Variants in ABL2 observed in about 807,000 individuals in gnomAD.
ABL2 encodes tyrosine-protein kinase ABL2.
A neutral mutation model predicts 107.7 loss-of-function variants in ABL2; 49 were observed. That is an observed-to-expected ratio of 0.45 (90% CI 0.36 to 0.58). The LOEUF is 0.58. Among genes scored for constraint, ABL2 ranks in the 20% least tolerant of loss-of-function variants. The pLI, the probability that ABL2 is intolerant of heterozygous loss-of-function variation, is 0.00. For missense variants in ABL2, 1,245 were observed against 1,457.0 expected (o/e 0.85, Z 2.37); for synonymous variants, 549 against 548.6 (o/e 1.00, Z -0.01).
Position 179,108,474 on chromosome 1 carries a change from C to T in ABL2, c.2793G>A (p.Val931=). The T allele has an allele frequency of 6.2e-7, 1 of 1,614,198 alleles. No homozygotes were observed. The change falls in exon 12 of 12, where the codon GTG becomes GTA. Residue 931 remains valine, a synonymous_variant. Transcript: ENST00000502732. Reference sequence around the variant, plus strand: ...TCAGAGTGGGTGAGATAAGGACTGGCACTTTGTGGTTGTGAGTGGTTGGGA... The same window carrying T: ...TCAGAGTGGGTGAGATAAGGACTGGTACTTTGTGGTTGTGAGTGGTTGGGA... ...PVLPTTHNHK[V]PVLISPTLKH...
chr1:179,122,544 C>T (rs2102632357), intron 4 of ABL2, among the ~76,000 whole-genome samples: 1 of 152,136 alleles, frequency 6.6e-6, no homozygotes, highest in South Asian at 2.1e-4. Flanking sequence ...TGGGAAAAAC[C>T]TTCCAAGATC....
chr1:179,208,885 G>A (rs1157401910), intron 1 of ABL2, among the ~76,000 whole-genome samples: 1 of 152,096 alleles, frequency 6.6e-6, no homozygotes, highest in Non-Finnish European at 1.5e-5. Context: ...TATCAGCTAA[G>A]AATTAAATGA....
intron 1 of ABL2, among the ~76,000 whole-genome samples, chr1:179,177,238 A>G (rs1660102422): frequency 6.6e-6 from 1 of 152,156 alleles, no homozygotes; most frequent in Admixed American, 6.5e-5. Flanking sequence ...GCCAACAAAC[A>G]CTGTCAAGAC....
rs543657262 is a variant in ABL2 at position 179,168,267 on chromosome 1, T to C, written c.158-34893A>G. On this transcript the variant is annotated intron_variant, in intron 1 of 11. Coordinates refer to ENST00000502732, the MANE Select transcript of ABL2 (RefSeq NM_007314.4). ...TTTAAGTCCTTTATATAAAATAGCA[T>C]GGTATTTGCACATAACCTATGCACA... is the stretch of plus-strand genomic sequence containing the variant. 3.3e-5 allele frequency among the ~76,000 whole-genome samples: 5 copies of C among 152,352 alleles called. No individual in the cohort carries two copies. In the South Asian group the frequency reaches 1.0e-3, roughly 32 times the overall value.
chr1:179,109,568 G>A, intron 11 of ABL2, 127 bp from the exon 12 acceptor site: 1 of 1,380,258 alleles, frequency 7.2e-7, no homozygotes, highest in South Asian at 1.5e-5. Flanking sequence ...GGACTCAGAA[G>A]CAAATAATAA....
Position 179,108,097 on chromosome 1 carries a change from T to C in ABL2, c.3170A>G (p.Lys1057Arg), listed in dbSNP as rs1239149231. The C allele has an allele frequency of 3.3e-5, 54 of 1,614,112 alleles. No homozygotes were observed. The highest frequency in any genetic ancestry group is 3.9e-5 in the Non-Finnish European group (46 of 1,180,050). Residue 1057 changes from lysine (K) to arginine (R), a missense_variant, in exon 12 of 12, where the codon AAA (lysine) becomes AGA (arginine). By Grantham distance (26) the Lys-to-Arg change is conservative. This residue lies in a region of ABL2 where 761 missense variants were observed against 766.4 expected (regional missense o/e 0.99). Transcript: ENST00000502732. ...PLPTSSISPA[K>R]MANGTAGTKV... is the part of the protein sequence containing the mutation. ...AGTACCTGCTGTGCCATTGGCCATT[T>C]TGGCTGGCGAGATGGAAGATGTGGG...
chr1:179,172,357 C>T (rs1659770094), intron 1 of ABL2, among the ~76,000 whole-genome samples: 1 of 152,154 alleles, frequency 6.6e-6, no homozygotes. Context: ...TGTGTATGTG[C>T]ATGCACATTG....
rs1395998604 is a variant in ABL2 at position 179,209,517 on chromosome 1, G to A, written c.157+19724C>T. 2.0e-5 allele frequency among the ~76,000 whole-genome samples: 3 copies of A among 152,146 alleles called. No individual in the cohort carries two copies. In the East Asian group the frequency reaches 5.8e-4, roughly 29 times the overall value. On this transcript the variant is annotated intron_variant, in intron 1 of 11. Coordinates refer to ENST00000502732, the MANE Select transcript of ABL2 (RefSeq NM_007314.4). ...TGTAGTGGTCTCAGCCATGAACCTA[G>A]CAATGGATGAGGAAAAAATAACTAC...
intron 3 of ABL2, among the ~76,000 whole-genome samples, chr1:179,127,083 T>TTA (rs1234923355): frequency 6.6e-6 from 1 of 152,194 alleles, no homozygotes; most frequent in African/African-American, 2.4e-5. Flanking sequence ...TGATTCAATG[T>TTA]TAACAACAAT....
chr1:179,229,340 G>C lies in ABL2; in HGVS notation c.58C>G (p.Arg20Gly), dbSNP rs1663419318. 1 of 1,584,546 alleles carries C rather than the reference G, an allele frequency of 6.3e-7. No individual in the cohort carries two copies. The highest frequency in any genetic ancestry group is 8.6e-7 in the Non-Finnish European group (1 of 1,168,568). ...GCTGCACTGCTGCCCCGGATCCCGC[G>C]GGGCTGAGGCTGCTGGAGCCCCGGA... is the stretch of plus-strand genomic sequence containing the variant. The part of the protein sequence containing the change: ...EAPGLQQPQP[R>G]GIRGSSAARP... The change falls in exon 1 of 12, where the codon CGC (arginine) becomes GGC (glycine). Residue 20 changes from arginine (R) to glycine (G), a missense_variant. Physicochemically the swap from Arg to Gly is moderately radical, Grantham distance 125. Transcript: ENST00000502732.
intron 1 of ABL2, among the ~76,000 whole-genome samples, chr1:179,214,115 CA>C (rs1341546513): frequency 2.9e-4 from 44 of 152,034 alleles, no homozygotes; most frequent in Admixed American, 9.2e-4. Context: ...TACTTAACAA[CA>C]AAAATCATAA....
chr1:179,160,641 G>A (rs1659004592), intron 1 of ABL2, among the ~76,000 whole-genome samples: 1 of 150,852 alleles, frequency 6.6e-6, no homozygotes, highest in African/African-American at 2.4e-5. Flanking sequence ...GAAATACTGA[G>A]ATATGAGTCT....
chr1:179,124,058 G>A (rs1284591676), intron 4 of ABL2, among the ~76,000 whole-genome samples: 1 of 151,998 alleles, frequency 6.6e-6, no homozygotes, highest in Non-Finnish European at 1.5e-5. Flanking sequence ...TGGCTATCAT[G>A]GTGAAACACC....
In ABL2 at chr1:179,107,183, C is replaced by T. The variant is rs927648270; in HGVS notation, c.*535G>A. On this transcript the variant is annotated 3_prime_UTR_variant, in exon 12 of 12. Coordinates refer to ENST00000502732, the MANE Select transcript of ABL2 (RefSeq NM_007314.4). ...TTTTATGTTGTAGCACTCTGATTTG[C>T]AGTTCTTATTACAGCAGCAATGGCC... 8.6e-6 allele frequency: 2 copies of T among 233,052 alleles called. No homozygotes were observed. Among genetic ancestry groups the T allele is most frequent in the Non-Finnish European group, 1.7e-5 (2 of 118,130 alleles). 14.4% of individuals were successfully genotyped at this position (233,052 alleles called of 1,614,324 possible). A position where few individuals can be genotyped will look rare whatever the true frequency, so the allele number is the denominator to read the frequency against.
At chr1:179,150,632 A>T (rs1477732376) in intron 1 of ABL2, among the ~76,000 whole-genome samples, 4 of 152,228 alleles carry the variant, frequency 2.6e-5, no homozygotes, top group East Asian at 3.8e-4. Context: ...CCTGGTAAAG[A>T]TGCTGGGAAT....
At chr1:179,131,289 G>A in intron 3 of ABL2, 22 bp downstream of exon 3, 1 of 1,604,036 alleles carries the variant, frequency 6.2e-7, no homozygotes. Context: ...AAAAGTGAAA[G>A]GATGCTACAT....
chr1:179,152,587 T>C (rs1358695648), intron 1 of ABL2, among the ~76,000 whole-genome samples: 3 of 152,132 alleles, frequency 2.0e-5, no homozygotes, highest in African/African-American at 7.2e-5. Flanking sequence ...TGTAAGTAAA[T>C]AAAATAAGGT....
rs148733177 is a variant in ABL2, at chr1:179,215,749, C to A, written c.157+13492G>T. ...TTTCAAAATGAGTAAAAGAAAGCTACTGTAACAAAAACCTTCAGGTATCAA... is the reference window on the plus strand; with the variant it reads ...TTTCAAAATGAGTAAAAGAAAGCTAATGTAACAAAAACCTTCAGGTATCAA... On this transcript the variant is annotated intron_variant, in intron 1 of 11. Transcript: ENST00000502732. Among the ~76,000 whole-genome samples, 213 of 151,396 alleles carry A rather than the reference C, an allele frequency of 1.4e-3. 1 individual carries two copies. The highest frequency in any genetic ancestry group is 5.0e-3 in the African/African-American group (206 of 41,262).
At chr1:179,197,237 G>T (rs1426229100) in intron 1 of ABL2, among the ~76,000 whole-genome samples, 1 of 151,340 alleles carries the variant, frequency 6.6e-6, no homozygotes, top group Non-Finnish European at 1.5e-5. Context: ...ACTTTCCAGT[G>T]AAAATGCAAG....
Sources: allele counts gnomAD v4.1 joint callset (sites outside exome capture counted in the v4.1 genomes callset), GRCh38; gene constraint gnomAD v4.1.1; regional missense constraint gnomAD v4.1.1; transcripts MANE v1.5; gene names NCBI Gene and HGNC (gene_info 2026-07-23, HGNC 2026-07-21).